The following SSRP1 variants were observed in gnomAD, a reference collection of about 807,000 sequenced individuals.
The protein encoded by SSRP1 is FACT complex subunit SSRP1.
Under a neutral mutation model 84.4 loss-of-function variants are expected in SSRP1, and 21 were observed. The observed-to-expected ratio is 0.25, with a 90% confidence interval of 0.18 to 0.36. SSRP1 has a LOEUF of 0.36. SSRP1 is among the 10% of genes least tolerant of loss of function. The probability of loss-of-function intolerance (pLI) is 1.00; values close to 1 mark genes in which losing one functional copy is unlikely to be tolerated. For synonymous variants in SSRP1, 319 were observed against 318.3 expected, an observed-to-expected ratio of 1.00 and a Z score of -0.02; for missense variants, 519 against 900.8, an observed-to-expected ratio of 0.58 and a Z score of 5.43.
In SSRP1 at chr11:57,330,871, T is replaced by C; in HGVS notation, c.1280A>G (p.Asn427Ser). ...CAGAAGTACCTCTTTCAATCCTCGG[T>C]TTTTGATGTTGAGCTTTTTCGCGTT... ...FVNAKKLNIK[N>S]RGLKEGMNPS... Residue 427 changes from asparagine (N) to serine (S), a missense_variant, in exon 10 of 17, where the codon AAC becomes AGC. Around this residue, in one of 7 missense-constraint regions of SSRP1, gnomAD observed 34 missense variants for 34.3 expected, o/e 0.99. Coordinates refer to ENST00000278412, the MANE Select transcript of SSRP1 (RefSeq NM_003146.3). The surrounding 1 kb of genome is among the most constrained non-coding windows in gnomAD (Gnocchi z 4.0). 1.2e-6 allele frequency: 2 copies of C among 1,614,158 alleles called. No individual in the cohort carries two copies. The highest frequency in any genetic ancestry group is 1.7e-6 in the Non-Finnish European group (2 of 1,180,010).
In SSRP1 at chr11:57,331,653, G is replaced by T. The variant is rs1227151342; in HGVS notation, c.1223+15C>A. On this transcript the variant is annotated intron_variant, in intron 9 of 16. Coordinates refer to ENST00000278412, the MANE Select transcript of SSRP1 (RefSeq NM_003146.3). Reference sequence around the variant, plus strand: ...GGACCAGGATGCCCAGGAAGTGACAGGTGGAGGTTCTCACCTCTCAATGCT... The same window carrying T: ...GGACCAGGATGCCCAGGAAGTGACATGTGGAGGTTCTCACCTCTCAATGCT... 6.2e-7 allele frequency: 1 copy of T among 1,605,318 alleles called. No homozygotes were observed. Among genetic ancestry groups the T allele is most frequent in the Non-Finnish European group, 8.5e-7 (1 of 1,172,234 alleles).
In SSRP1 at chr11:57,332,302, G is replaced by A. The variant is rs761239154; in HGVS notation, c.873-22C>T. 41 of 1,614,000 alleles carry A rather than the reference G, an allele frequency of 2.5e-5. No individual in the cohort carries two copies. The highest frequency in any genetic ancestry group is 3.4e-5 in the Non-Finnish European group (40 of 1,180,028). The stretch of plus-strand genomic sequence containing the variant: ...TTCCCTACAAAGAAAGCAAGGTGAG[G>A]TCACAACACTACTGCCTTCTAATGG... On this transcript the variant is annotated intron_variant, in intron 7 of 16. Coordinates refer to ENST00000278412, the MANE Select transcript of SSRP1 (RefSeq NM_003146.3). This position sits in a 1 kb window ranked among gnomAD's most constrained non-coding sequence, Gnocchi z 5.5.
Position 57,332,700 on chromosome 11 carries a change from G to A in SSRP1, c.693C>T (p.Asp231=). ...TFLHLHGKTF[D]YKIPYTTVLR... ...GTACTGTGGTGTAGGGGATCTTGTA[G>A]TCAAAGGTCTTGCCATGCAGGTGCA... The change falls in exon 6 of 17, where the codon GAC becomes GAT. Residue 231 remains aspartate, a synonymous_variant. Transcript: ENST00000278412. This position sits in a 1 kb window ranked among gnomAD's most constrained non-coding sequence, Gnocchi z 5.5. The A allele has an allele frequency of 6.2e-7, 1 of 1,614,066 alleles. No homozygotes were observed. The highest frequency in any genetic ancestry group is 8.5e-7 in the Non-Finnish European group (1 of 1,180,034).
At chr11:57,329,747 G>A (rs1373678379) in intron 12 of SSRP1, 5 of 388,570 alleles carry the variant, frequency 1.3e-5, no homozygotes, top group African/African-American at 8.0e-5. Flanking sequence ...TTCTACTGAT[G>A]AGGAAATTGA....
In SSRP1 at chr11:57,326,120, A is replaced by T; in HGVS notation, c.*287T>A. The T allele has an allele frequency of 2.0e-6, 1 of 495,980 alleles. No individual in the cohort carries two copies. The highest frequency in any genetic ancestry group is 3.6e-6 in the Non-Finnish European group (1 of 276,482). 30.7% of individuals were successfully genotyped at this position (495,980 alleles called of 1,614,324 possible). Reference sequence around the variant, plus strand: ...CCTGCTCCAGCAACTTGAACAGGACAAGCAGCAGCTACATCCTTAAGGTCG... The same window carrying T: ...CCTGCTCCAGCAACTTGAACAGGACTAGCAGCAGCTACATCCTTAAGGTCG... On this transcript the variant is annotated 3_prime_UTR_variant, in exon 17 of 17. Transcript: ENST00000278412.
At position 57,327,856 on chromosome 11, in the gene SSRP1, G is replaced by A. The variant is rs1856015356; in HGVS notation, c.1638C>T (p.Ala546=). 1 of 1,613,918 alleles carries A rather than the reference G, an allele frequency of 6.2e-7. No individual in the cohort carries two copies. Among genetic ancestry groups the A allele is most frequent in the South Asian group, 1.1e-5 (1 of 91,092 alleles). The change falls in exon 14 of 17, where the codon GCC becomes GCT. Residue 546 remains alanine (A), a synonymous_variant. Coordinates refer to ENST00000278412, the MANE Select transcript of SSRP1 (RefSeq NM_003146.3). ...TGTATGCAGACATGGGCCTCTTGGG[G>A]GCATTGGGGTCTTTGCCCTTCTTCA... ...VEVKKGKDPN[A]PKRPMSAYML...
intron 12 of SSRP1, chr11:57,329,837 C>T (rs1047723371): frequency 2.3e-5 from 13 of 571,714 alleles, no homozygotes; most frequent in Non-Finnish European, 3.1e-5. Flanking sequence ...CATCCAACTA[C>T]GAACCAGCCC....
chr11:57,326,391 G>A lies in SSRP1; in HGVS notation c.*16C>T, dbSNP rs1855980441. On this transcript the variant is annotated 3_prime_UTR_variant, in exon 17 of 17. Coordinates refer to ENST00000278412, the MANE Select transcript of SSRP1 (RefSeq NM_003146.3). ...GGGTGTGAGAAGGCAAGCGCAAAGA[G>A]AACCTTCCTCCGTTTCTACTCATCG... is the stretch of plus-strand genomic sequence containing the variant. 6.2e-7 allele frequency: 1 copy of A among 1,613,932 alleles called. No individual in the cohort carries two copies. The highest frequency in any genetic ancestry group is 1.1e-5 in the South Asian group (1 of 91,084).
chr11:57,327,200 C>T (rs1340412592), intron 15 of SSRP1: 2 of 655,590 alleles, frequency 3.1e-6, no homozygotes, highest in African/African-American at 1.8e-5. Flanking sequence ...CCCATACCTT[C>T]AAATAAAATG....
Position 57,332,069 on chromosome 11 carries a change from T to C in SSRP1, c.1001+83A>G, listed in dbSNP as rs116876468. ...CCATCCAGGCCTCTAGGAGGCCGCA[T>C]TCCCATCTCAGGAAGGGTTTACCAA... is the stretch of plus-strand genomic sequence containing the variant. On this transcript the variant is annotated intron_variant, in intron 8 of 16. Transcript: ENST00000278412. This position sits in a 1 kb window ranked among gnomAD's most constrained non-coding sequence, Gnocchi z 5.5. The C allele has an allele frequency of 0.011, 18,216 of 1,599,612 alleles. 154 individuals are homozygous for C. Among genetic ancestry groups the C allele is most frequent in the Non-Finnish European group, 0.013 (15,599 of 1,173,814 alleles).
rs1345455659 is a variant in SSRP1 at position 57,328,331 on chromosome 11, G to A, written c.1577C>T (p.Ala526Val). The change falls in exon 13 of 17, where the codon GCC becomes GTC. Residue 526 changes from alanine to valine, a missense_variant. Coordinates refer to ENST00000278412, the MANE Select transcript of SSRP1 (RefSeq NM_003146.3). ...CTTCTTGCGGCTCTTGCGGTCCTTG[G>A]CCATCTTGGCCTTTTTGAGCTGTTT... ...KRKQLKKAKM[A>V]KDRKSRKKPV... is the part of the protein sequence containing the mutation. 9 of 1,614,048 alleles carry A rather than the reference G, an allele frequency of 5.6e-6. No individual in the cohort carries two copies. Among genetic ancestry groups the A allele is most frequent in the Non-Finnish European group, 6.8e-6 (8 of 1,180,014 alleles).
chr11:57,327,463 T>C lies in SSRP1; in HGVS notation c.1834A>G (p.Lys612Glu), dbSNP rs1444209480. The part of the protein sequence containing the change: ...DARRDYEKAM[K>E]EYEGGRGESS... ...TCGCCTCGGCCCCCTTCATATTCTT[T>C]CATGGCTTTTTCATAGTCCCTCCTG... Residue 612 changes from lysine to glutamate, a missense_variant, in exon 15 of 17, where the codon AAA becomes GAA. Physicochemically the swap from Lys to Glu is moderately conservative, Grantham distance 56. This residue lies in a region of SSRP1 where 197 missense variants were observed against 265.0 expected (regional missense o/e 0.74). Coordinates refer to ENST00000278412, the MANE Select transcript of SSRP1 (RefSeq NM_003146.3). The C allele has an allele frequency of 5.0e-6, 8 of 1,613,998 alleles. No homozygotes were observed. In the East Asian group the frequency reaches 1.3e-4, roughly 27 times the overall value.
chr11:57,330,983 C>T lies in SSRP1; in HGVS notation c.1224-56G>A. ...GAGGTAGTGCCAACACAGGGGCACA[C>T]TAAACAATGTTCTGATTCCATGAGC... On this transcript the variant is annotated intron_variant, in intron 9 of 16. Coordinates refer to ENST00000278412, the MANE Select transcript of SSRP1 (RefSeq NM_003146.3). The surrounding 1 kb of genome is among the most constrained non-coding windows in gnomAD (Gnocchi z 4.0). 2 of 1,579,008 alleles carry T rather than the reference C, an allele frequency of 1.3e-6. No individual in the cohort carries two copies. Among genetic ancestry groups the T allele is most frequent in the African/African-American group, 2.7e-5 (2 of 74,350 alleles).
chr11:57,326,298 T>C lies in SSRP1; in HGVS notation c.*109A>G. 1 of 1,043,938 alleles carries C rather than the reference T, an allele frequency of 9.6e-7. No homozygotes were observed. Among genetic ancestry groups the C allele is most frequent in the African/African-American group, 1.6e-5 (1 of 64,102 alleles). 64.7% of individuals were successfully genotyped at this position (1,043,938 alleles called of 1,614,324 possible). A position where few individuals can be genotyped will look rare whatever the true frequency, so the allele number is the denominator to read the frequency against. On this transcript the variant is annotated 3_prime_UTR_variant, in exon 17 of 17. Coordinates refer to ENST00000278412, the MANE Select transcript of SSRP1 (RefSeq NM_003146.3). Reference sequence around the variant, plus strand: ...ACACCAACAGGAGAGCATGTTCAGATGGCACAGAATCCAGGGACTGCATTT... The same window carrying C: ...ACACCAACAGGAGAGCATGTTCAGACGGCACAGAATCCAGGGACTGCATTT...
At chr11:57,328,449 T>G in intron 12 of SSRP1, 23 bp from the exon 13 acceptor site, 2 of 1,613,656 alleles carry the variant, frequency 1.2e-6, no homozygotes, top group Non-Finnish European at 1.7e-6. Flanking sequence ...AAGCCAGGCT[T>G]AGACTTGAGG....
chr11:57,334,948 A>C, intron 2 of SSRP1, 120 bp downstream of exon 2: 1 of 1,173,996 alleles, frequency 8.5e-7, no homozygotes, highest in Non-Finnish European at 1.3e-6. Flanking sequence ...CACTAGGTAC[A>C]CATTATACTG....
chr11:57,326,781 G>C lies in SSRP1; in HGVS notation c.1980C>G (p.Phe660Leu). ...CACTAGACACAAACTCTTTGCTCTT[G>C]AAGCTCTCGCTTAGCTGCCTTGAGG... Reference protein sequence around the residue: ...KSSSRQLSESFKSKEFVSSDE... With the variant: ...KSSSRQLSESLKSKEFVSSDE... Residue 660 changes from phenylalanine to leucine, a missense_variant, in exon 16 of 17, where the codon TTC becomes TTG. Phe to Leu is a conservative substitution (Grantham distance 22). Transcript: ENST00000278412. 1 of 1,614,246 alleles carries C rather than the reference G, an allele frequency of 6.2e-7. No individual in the cohort carries two copies. The highest frequency in any genetic ancestry group is 8.5e-7 in the Non-Finnish European group (1 of 1,180,050).
rs951218271 is a variant in SSRP1, at chr11:57,330,653, G to A, written c.1296+202C>T. 6.2e-6 allele frequency: 9 copies of A among 1,445,794 alleles called. No homozygotes were observed. The highest frequency in any genetic ancestry group is 1.4e-5 in the African/African-American group (1 of 69,894). The allele number at this position is 1,445,794 out of a possible 1,614,324, so 89.6% of individuals were successfully genotyped here. A position where few individuals can be genotyped will look rare whatever the true frequency, so the allele number is the denominator to read the frequency against. On this transcript the variant is annotated intron_variant, in intron 10 of 16. Transcript: ENST00000278412. The surrounding 1 kb of genome is among the most constrained non-coding windows in gnomAD (Gnocchi z 4.0). ...CCCTCCCTCTCCCAGCCCCACTGGG[G>A]GCTCCTGAGGGGCTGCATAGACTGG... is the stretch of plus-strand genomic sequence containing the variant.
At chr11:57,334,261 C>T in intron 3 of SSRP1, among the ~76,000 whole-genome samples, 1 of 152,216 alleles carries the variant, frequency 6.6e-6, no homozygotes, top group Non-Finnish European at 1.5e-5. Context: ...AGAAGAAAAT[C>T]TTCTGGAGTC....
Sources: allele counts gnomAD v4.1 joint callset (sites outside exome capture counted in the v4.1 genomes callset), GRCh38; gene constraint gnomAD v4.1.1; regional missense constraint gnomAD v4.1.1; non-coding constraint Gnocchi (gnomAD v3.1); transcripts MANE v1.5; gene names NCBI Gene and HGNC (gene_info 2026-07-23, HGNC 2026-07-21).